Variants in SCO1 observed in about 807,000 individuals in gnomAD.
SCO1 encodes cytochrome c oxidase assembly factor SCO1.
SCO1 carries 23 observed loss-of-function variants against 34.0 expected under a neutral mutation model. That is an observed-to-expected ratio of 0.68 (90% CI 0.49 to 0.96). SCO1 has a LOEUF of 0.96. Ranked by LOEUF, SCO1 falls within the 40% of genes least tolerant of loss-of-function variation. SCO1 has a pLI of 0.00. For synonymous variants in SCO1, 161 were observed against 145.5 expected, an observed-to-expected ratio of 1.11 and a Z score of -0.77; for missense variants, 404 against 381.6, an observed-to-expected ratio of 1.06 and a Z score of -0.49.
At position 10,678,142 on chromosome 17, in the gene SCO1, C is replaced by T. The variant is rs1461182207; in HGVS notation, c.*2977G>A. The T allele has an allele frequency of 6.6e-6, 1 of 152,192 alleles. No homozygotes were observed. The highest frequency in any genetic ancestry group is 1.5e-5 in the Non-Finnish European group (1 of 68,082). The allele number at this position is 152,192 out of a possible 1,614,324, so 9.4% of individuals were successfully genotyped here. On this transcript the variant is annotated 3_prime_UTR_variant, in exon 6 of 6. Coordinates refer to ENST00000255390, the MANE Select transcript of SCO1 (RefSeq NM_004589.4). ...AAAAAGAAAAGAAAAAAAAAACAGC[C>T]TTGCTTTTGATTTCCCAAGATTTGC...
At chr17:10,684,449 T>C (rs1416061409) in intron 5 of SCO1, among the ~76,000 whole-genome samples, 1 of 151,998 alleles carries the variant, frequency 6.6e-6, no homozygotes, top group Non-Finnish European at 1.5e-5. Flanking sequence ...TTGAGTAGAG[T>C]TGGGTATGTG....
chr17:10,697,167 T>C (rs1489774322), intron 1 of SCO1, 68 bp downstream of exon 1: 1 of 1,410,112 alleles, frequency 7.1e-7, no homozygotes, highest in South Asian at 1.5e-5. Flanking sequence ...TACGACCAAG[T>C]GGGATGTGGC....
chr17:10,676,543 CT>C lies in SCO1; in HGVS notation c.*4575del, dbSNP rs2074582053. The stretch of plus-strand genomic sequence containing the variant: ...TGGGTACATCAATTAGTTAACTATT[CT>C]ACTTTTTGAATAAGTTTCCAAATTT... On this transcript the variant is annotated 3_prime_UTR_variant, in exon 6 of 6. Transcript: ENST00000255390. The C allele has an allele frequency of 6.6e-6, 1 of 152,056 alleles. No individual in the cohort carries two copies. Among genetic ancestry groups the C allele is most frequent in the Non-Finnish European group, 1.5e-5 (1 of 68,010 alleles). 9.4% of individuals were successfully genotyped at this position (152,056 alleles called of 1,614,324 possible).
At chr17:10,685,249 G>A (rs554910407) in intron 5 of SCO1, among the ~76,000 whole-genome samples, 1 of 152,264 alleles carries the variant, frequency 6.6e-6, no homozygotes, top group African/African-American at 2.4e-5. Flanking sequence ...TTTCTACAAA[G>A]ACAGCTTCAC....
chr17:10,695,883 T>C (rs958465237), intron 1 of SCO1, 52 bp from the exon 2 acceptor site: 1 of 1,319,876 alleles, frequency 7.6e-7, no homozygotes, highest in African/African-American at 1.4e-5. Context: ...TGCAAACATT[T>C]AACCATACAA....
intron 4 of SCO1, among the ~76,000 whole-genome samples, chr17:10,688,207 AGACTGAAATGAC>A (rs1296707517): frequency 1.3e-5 from 2 of 152,256 alleles, no homozygotes; most frequent in African/African-American, 2.4e-5. Context: ...CACTGTTAAG[AGACTGAAATGAC>A]GAGCCACAGA....
intron 5 of SCO1, among the ~76,000 whole-genome samples, chr17:10,683,626 T>C (rs2074635875): frequency 2.0e-5 from 3 of 152,076 alleles, no homozygotes; most frequent in Admixed American, 2.0e-4. Context: ...GTTACCTCAT[T>C]ATACAATTCA....
rs1395892243 is a variant in SCO1, at chr17:10,678,506, A to G, written c.*2613T>C. On this transcript the variant is annotated 3_prime_UTR_variant, in exon 6 of 6. Transcript: ENST00000255390. Reference sequence around the variant, plus strand: ...TAACCTGCAACAGCTGAGAACGAAGACTGAATCTTATCTAAGAGCAAACTT... The same window carrying G: ...TAACCTGCAACAGCTGAGAACGAAGGCTGAATCTTATCTAAGAGCAAACTT... 1 of 152,242 alleles carries G rather than the reference A, an allele frequency of 6.6e-6. No homozygotes were observed. Among genetic ancestry groups the G allele is most frequent in the Admixed American group, 6.5e-5 (1 of 15,284 alleles). The allele number at this position is 152,242 out of a possible 1,614,324, so 9.4% of individuals were successfully genotyped here. A position where few individuals can be genotyped will look rare whatever the true frequency, so the allele number is the denominator to read the frequency against.
intron 2 of SCO1, among the ~76,000 whole-genome samples, chr17:10,693,229 T>C (rs2074701008): frequency 6.6e-6 from 1 of 152,216 alleles, no homozygotes. Context: ...CCTAAGCCAT[T>C]AGCTGTGTCC....
intron 2 of SCO1, 93 bp from the exon 3 acceptor site, chr17:10,693,054 C>G: frequency 9.6e-7 from 1 of 1,036,458 alleles, no homozygotes; most frequent in South Asian, 1.4e-5. Context: ...CTATGCTACT[C>G]ATGGTGGGGG....
intron 2 of SCO1, among the ~76,000 whole-genome samples, chr17:10,694,419 G>A (rs919905378): frequency 5.3e-5 from 8 of 152,008 alleles, no homozygotes; most frequent in African/African-American, 1.9e-4. Flanking sequence ...CTGGGCAACA[G>A]GAGTGAAACT....
rs559346655 is a variant in SCO1 at position 10,687,318 on chromosome 17, C to T, written c.656-476G>A. Among the ~76,000 whole-genome samples, 5 of 151,900 alleles carry T rather than the reference C, an allele frequency of 3.3e-5. No homozygotes were observed. In the South Asian group the frequency reaches 1.0e-3, roughly 31 times the overall value. On this transcript the variant is annotated intron_variant, in intron 4 of 5. Transcript: ENST00000255390. ...TGGTATCAAGTTCTACTCTTTACTT[C>T]TGATTTAAAAAAACTGGTTAATTAA... is the stretch of plus-strand genomic sequence containing the variant.
intron 3 of SCO1, 31 bp downstream of exon 3, chr17:10,692,733 T>C (rs1031533071): frequency 3.2e-6 from 5 of 1,547,334 alleles, no homozygotes; most frequent in Non-Finnish European, 4.5e-6. Flanking sequence ...AGTAAACATA[T>C]ACTTTGTTTA....
At chr17:10,693,558 T>C (rs904948338) in intron 2 of SCO1, among the ~76,000 whole-genome samples, 2 of 152,182 alleles carry the variant, frequency 1.3e-5, no homozygotes, top group East Asian at 1.9e-4. Flanking sequence ...TAAATAAATA[T>C]AGATGTACAT....
intron 1 of SCO1, among the ~76,000 whole-genome samples, 160 bp from the exon 2 acceptor site, chr17:10,695,991 T>C (rs1169571511): frequency 6.8e-6 from 1 of 147,878 alleles, no homozygotes; most frequent in African/African-American, 2.5e-5. Flanking sequence ...TTTCTGTGGA[T>C]GCAGTTAGGT....
At position 10,697,235 on chromosome 17, in the gene SCO1, C is replaced by T. The variant is rs886052596; in HGVS notation, c.273G>A (p.Gly91=). 1 of 1,552,100 alleles carries T rather than the reference C, an allele frequency of 6.4e-7. No individual in the cohort carries two copies. Among genetic ancestry groups the T allele is most frequent in the Non-Finnish European group, 8.7e-7 (1 of 1,148,738 alleles). The change falls in exon 1 of 6, where the codon GGG becomes GGA. Residue 91 remains glycine, a splice_region_variant and synonymous_variant. Coordinates refer to ENST00000255390, the MANE Select transcript of SCO1 (RefSeq NM_004589.4). ...PGDSTRPSKP[G]PVSWKSLAIT... is the part of the protein sequence containing the mutation. ...AGAAGGGTTCCAGGTGTGCACTCAC[C>T]CCGGGCTTCGAGGGGCGCGTGGAGT...
In SCO1 at chr17:10,680,961, G is replaced by C. The variant is rs994437232; in HGVS notation, c.*158C>G. On this transcript the variant is annotated 3_prime_UTR_variant, in exon 6 of 6. Coordinates refer to ENST00000255390, the MANE Select transcript of SCO1 (RefSeq NM_004589.4). The stretch of plus-strand genomic sequence containing the variant: ...TTCCAAGAATCAATTTTGGTTGAAC[G>C]CAAGGGTAACATCCCCATCCAAAAC... 7 of 888,834 alleles carry C rather than the reference G, an allele frequency of 7.9e-6. No homozygotes were observed. The highest frequency in any genetic ancestry group is 1.3e-5 in the Non-Finnish European group (7 of 553,456). The allele number at this position is 888,834 out of a possible 1,614,324, so 55.1% of individuals were successfully genotyped here. A position where few individuals can be genotyped will look rare whatever the true frequency, so the allele number is the denominator to read the frequency against.
intron 5 of SCO1, among the ~76,000 whole-genome samples, chr17:10,682,867 A>G (rs1168671498): frequency 1.3e-5 from 2 of 152,212 alleles, no homozygotes; most frequent in Non-Finnish European, 1.5e-5. Context: ...CACAGGCTGG[A>G]GAGAGTAAAT....
rs762828371 is a variant in SCO1 at position 10,697,480 on chromosome 17, G to A, written c.28C>T (p.Arg10Ter). 1.2e-6 allele frequency: 2 copies of A among 1,613,356 alleles called. No homozygotes were observed. The highest frequency in any genetic ancestry group is 8.5e-7 in the Non-Finnish European group (1 of 1,179,938). Residue 10 changes from arginine (R) to a stop codon, truncating the protein, a stop_gained, in exon 1 of 6, where the codon CGA becomes TGA. Transcript: ENST00000255390. LOFTEE classifies it high-confidence loss of function. MAMLVLVPG[R>*]VMRPLGGQLW... ...TGGCCACCCAGAGGCCGCATAACTCGTCCGGGTACTAGGACCAGCATCGCC... is the reference window on the plus strand; with the variant it reads ...TGGCCACCCAGAGGCCGCATAACTCATCCGGGTACTAGGACCAGCATCGCC...
Sources: gnomAD v4.1 joint callset for allele counts (sites outside exome capture counted in the v4.1 genomes callset) on GRCh38, gnomAD v4.1.1 for gene constraint, MANE v1.5 for transcripts, NCBI Gene and HGNC (gene_info 2026-07-23, HGNC 2026-07-21) for gene names.